The following OSBPL9 variants were observed in gnomAD, a reference collection of about 807,000 sequenced individuals.
OSBPL9 encodes the protein oxysterol-binding protein-related protein 9.
OSBPL9 carries 40 observed loss-of-function variants against 106.6 expected under a neutral mutation model. That is an observed-to-expected ratio of 0.38 (90% confidence interval 0.29 to 0.49). OSBPL9 has a LOEUF of 0.49. Ranked by LOEUF, OSBPL9 falls within the 20% of genes least tolerant of loss-of-function variation. The pLI is 0.97. For missense variants in OSBPL9, 609 were observed against 887.2 expected, an observed-to-expected ratio of 0.69 and a Z score of 3.98; for synonymous variants, 269 against 295.4, an observed-to-expected ratio of 0.91 and a Z score of 0.92.
intron 4 of OSBPL9, among the ~76,000 whole-genome samples, chr1:51,742,944 ACTT>A (rs1454564135): frequency 6.6e-6 from 1 of 152,180 alleles, no homozygotes; most frequent in Non-Finnish European, 1.5e-5. Context: ...TATGAAAAGA[ACTT>A]CTGTGAATGG....
At chr1:51,602,617 CGAG>C (rs1264057585) in intron 2 of OSBPL9, among the ~76,000 whole-genome samples, 3 of 150,836 alleles carry the variant, frequency 2.0e-5, no homozygotes, top group Admixed American at 2.0e-4. Context: ...TTTGTAGAGA[CGAG>C]GAGTGGGGCG....
the OSBPL9 span, among the ~76,000 whole-genome samples, chr1:51,572,113 G>C: frequency 6.6e-6 from 1 of 152,274 alleles, no homozygotes; most frequent in African/African-American, 2.4e-5. Context: ...GTTTTCCAGA[G>C]TGGATTTAAA....
Position 51,756,278 on chromosome 1 carries a change from C to T in OSBPL9, c.544-42C>T, listed in dbSNP as rs1039133979. On this transcript the variant is annotated intron_variant, in intron 8 of 23. Coordinates refer to ENST00000428468, the MANE Select transcript of OSBPL9 (RefSeq NM_024586.6). ...GGAGAAATACACAAGGAGTTACTTA[C>T]ATGTAAGAATGAAGTTAATATTTTT... The T allele has an allele frequency of 3.9e-6, 6 of 1,541,804 alleles. No individual in the cohort carries two copies. In the African/African-American group the frequency reaches 5.5e-5, roughly 14 times the overall value.
At chr1:51,585,439 G>A (rs961976774) in intron 1 of OSBPL9, among the ~76,000 whole-genome samples, 1 of 152,076 alleles carries the variant, frequency 6.6e-6, no homozygotes, top group African/African-American at 2.4e-5. Context: ...CTAAGACTAT[G>A]CTTAATAAAG....
chr1:51,527,009 G>A, the OSBPL9 span, among the ~76,000 whole-genome samples: 1 of 152,202 alleles, frequency 6.6e-6, no homozygotes, highest in East Asian at 1.9e-4. Context: ...CTCCTAAAGT[G>A]CTGGGATTAC....
intron 1 of OSBPL9, among the ~76,000 whole-genome samples, chr1:51,638,224 G>A (rs1429087200): frequency 6.6e-6 from 1 of 152,156 alleles, no homozygotes; most frequent in Non-Finnish European, 1.5e-5. Context: ...ACAGGGAAAG[G>A]AGGGAAGGAT....
chr1:51,765,400 CT>C (rs1257679266), intron 11 of OSBPL9: 2 of 153,202 alleles, frequency 1.3e-5, no homozygotes, highest in Non-Finnish European at 2.9e-5. Flanking sequence ...TTTATGTGGT[CT>C]TAATATTCTT....
chr1:51,606,006 AG>A (rs1454947745), intron 2 of OSBPL9, among the ~76,000 whole-genome samples: 4 of 143,378 alleles, frequency 2.8e-5, no homozygotes, highest in Non-Finnish European at 6.4e-5. Flanking sequence ...AGAGAGAGAG[AG>A]AAAGAAAAAA....
intron 3 of OSBPL9, among the ~76,000 whole-genome samples, chr1:51,688,665 AG>A (rs1654338586): frequency 6.6e-6 from 1 of 152,206 alleles, no homozygotes; most frequent in Non-Finnish European, 1.5e-5. Context: ...ATTTTAAAAA[AG>A]TTTTTACATT....
In OSBPL9 at chr1:51,637,927, TG is replaced by T. The variant is rs1645554640; in HGVS notation, c.112-14061del. 4.6e-5 allele frequency among the ~76,000 whole-genome samples: 7 copies of T among 152,298 alleles called. No individual in the cohort carries two copies. In the South Asian group the frequency reaches 1.2e-3, roughly 27 times the overall value. ...ACCAGAATGTAACAGGTTTAATCTT[TG>T]GGTCAAAAAAACTTCTATCCTTGCC... On this transcript the variant is annotated intron_variant, in intron 1 of 23. Transcript: ENST00000428468.
intron 12 of OSBPL9, among the ~76,000 whole-genome samples, chr1:51,770,649 CA>C (rs1369096553): frequency 6.6e-6 from 1 of 152,100 alleles, no homozygotes; most frequent in Non-Finnish European, 1.5e-5. Context: ...CATTGCCTCT[CA>C]AAACTGGTGA....
At chr1:51,719,530 C>G (rs535434001) in intron 4 of OSBPL9, among the ~76,000 whole-genome samples, 2 of 151,790 alleles carry the variant, frequency 1.3e-5, no homozygotes, top group Non-Finnish European at 2.9e-5. Context: ...CACAAGAAGA[C>G]TCAGGATGTT....
chr1:51,745,307 A>G (rs1269240508), intron 4 of OSBPL9: 1 of 486,032 alleles, frequency 2.1e-6, no homozygotes, highest in Non-Finnish European at 3.4e-6. Context: ...CAATTTGAGC[A>G]GCAGCATGTG....
chr1:51,526,814 G>A, the OSBPL9 span, among the ~76,000 whole-genome samples: 2 of 151,694 alleles, frequency 1.3e-5, no homozygotes, highest in South Asian at 2.1e-4. Flanking sequence ...GCGCAATCTC[G>A]GCTCACTGCA....
At chr1:51,677,213 C>G (rs559429518) in intron 3 of OSBPL9, among the ~76,000 whole-genome samples, 3 of 152,192 alleles carry the variant, frequency 2.0e-5, no homozygotes, top group Admixed American at 1.3e-4. Flanking sequence ...GGAATGGGCC[C>G]GCTCTAGTGA....
intron 3 of OSBPL9, among the ~76,000 whole-genome samples, chr1:51,711,735 G>T (rs1051678152): frequency 2.0e-5 from 3 of 147,332 alleles, no homozygotes; most frequent in Non-Finnish European, 3.0e-5. Flanking sequence ...CTCCCAGACG[G>T]GGTCACGGCC....
At chr1:51,533,846 T>TTTC in the OSBPL9 span, among the ~76,000 whole-genome samples, 1,933 of 96,948 alleles carry the variant, frequency 0.02, 6 homozygotes, top group Middle Eastern at 0.03. Context: ...TTTTTCTTTC[T>TTTC]TTTTTTTTTT....
At chr1:51,538,572 C>T in the OSBPL9 span, 2 of 151,882 alleles carry the variant, frequency 1.3e-5, no homozygotes, top group East Asian at 1.9e-4. Flanking sequence ...TATTTAATTC[C>T]GTTTTTAAAT....
chr1:51,625,710 G>C (rs1270739772), intron 1 of OSBPL9, among the ~76,000 whole-genome samples: 1 of 152,056 alleles, frequency 6.6e-6, no homozygotes, highest in African/African-American at 2.4e-5. Context: ...TTTTGGTAGA[G>C]ATGGGGTTTC....
Sources: gnomAD v4.1 joint callset for allele counts (sites outside exome capture counted in the v4.1 genomes callset) on GRCh38, gnomAD v4.1.1 for gene constraint, MANE v1.5 for transcripts, NCBI Gene and HGNC (gene_info 2026-07-23, HGNC 2026-07-21) for gene names.